The following MAPK8IP3 variants were observed in gnomAD, a reference collection of about 807,000 sequenced individuals.
MAPK8IP3 encodes mitogen-activated protein kinase 8 interacting protein 3, also known as C-Jun-amino-terminal kinase-interacting protein 3.
A neutral mutation model predicts 157.8 loss-of-function variants in MAPK8IP3; 49 were observed. The observed-to-expected ratio is 0.31, with a 90% CI of 0.25 to 0.39. MAPK8IP3 has a LOEUF of 0.39. Among genes scored for constraint, MAPK8IP3 ranks in the 10% least tolerant of loss-of-function variants. The pLI is 1.00. For synonymous variants in MAPK8IP3, 897 were observed against 777.7 expected (o/e 1.15, Z -2.55); for missense variants, 1,478 against 1,889.4 (o/e 0.78, Z 4.04).
chr16:1,723,769 T>C (rs931553340), intron 1 of MAPK8IP3, among the ~76,000 whole-genome samples: 10 of 152,342 alleles, frequency 6.6e-5, no homozygotes, highest in South Asian at 2.1e-4. Flanking sequence ...ACTACACTTA[T>C]GGCATCGATG....
intron 4 of MAPK8IP3, among the ~76,000 whole-genome samples, chr16:1,736,617 T>A (rs1596634973): frequency 1.7e-5 from 1 of 60,104 alleles, no homozygotes; most frequent in Non-Finnish European, 3.2e-5. Flanking sequence ...CGTGTGACCG[T>A]CCGTGTGAGC....
chr16:1,756,920 G>A (rs749528773), intron 8 of MAPK8IP3, among the ~76,000 whole-genome samples: 6 of 152,122 alleles, frequency 3.9e-5, no homozygotes, highest in Non-Finnish European at 7.3e-5. Context: ...GGATAATGGG[G>A]TCCCGTTTTT....
At position 1,762,402 on chromosome 16, in the gene MAPK8IP3, C is replaced by A; in HGVS notation, c.1591C>A (p.Arg531Ser). The A allele has an allele frequency of 6.2e-7, 1 of 1,600,098 alleles. No homozygotes were observed. The highest frequency in any genetic ancestry group is 2.3e-5 in the East Asian group (1 of 44,090). ...RRRFTRVEMA[R>S]VLMERNQYKE... ...CCGCTTCACGCGGGTGGAGATGGCC[C>A]GTGTGCTCATGGAGCGGAACCAGTA... Residue 531 changes from arginine (R) to serine (S), a missense_variant, in exon 14 of 32, where the codon CGT (arginine) becomes AGT (serine). Physicochemically the swap from Arg to Ser is moderately radical, Grantham distance 110 (BLOSUM62 -1). Transcript: ENST00000610761.
chr16:1,749,808 G>A (rs922955114), intron 8 of MAPK8IP3, among the ~76,000 whole-genome samples: 2 of 152,220 alleles, frequency 1.3e-5, no homozygotes, highest in African/African-American at 4.8e-5. Flanking sequence ...GGGGCAGGGG[G>A]ACCTCCAGGG....
In MAPK8IP3 at chr16:1,707,096, G is replaced by T. The variant is rs1596522743; in HGVS notation, c.318+439G>T. Among the ~76,000 whole-genome samples, 6 of 152,134 alleles carry T rather than the reference G, an allele frequency of 3.9e-5. 1 individual carries two copies. In the East Asian group the frequency reaches 1.2e-3, roughly 30 times the overall value. ...ATGACAATTGCCTTTGCTTTCGTGC[G>T]TGTGTTCAGTCAAAACCGTTTCCCG... On this transcript the variant is annotated intron_variant, in intron 1 of 31. Coordinates refer to ENST00000610761, the MANE Select transcript of MAPK8IP3 (RefSeq NM_001318852.2).
intron 4 of MAPK8IP3, among the ~76,000 whole-genome samples, chr16:1,732,868 C>T (rs909480742): frequency 5.3e-5 from 8 of 152,034 alleles, no homozygotes; most frequent in African/African-American, 1.9e-4. Context: ...CGCCAGCCAT[C>T]CGCCCACCTG....
intron 4 of MAPK8IP3, among the ~76,000 whole-genome samples, chr16:1,731,575 C>T (rs1287232513): frequency 1.3e-5 from 2 of 152,192 alleles, no homozygotes; most frequent in African/African-American, 4.8e-5. Context: ...AGCTGTGGCA[C>T]CTGTTAGTGG....
chr16:1,768,250 T>A lies in MAPK8IP3; in HGVS notation c.3614T>A (p.Ile1205Asn). Reference sequence around the variant, plus strand: ...GAGGGCGCCCGTCCCGGGGGCATCATCCACGTGTATGGCGATGACAGCAGT... The same window carrying A: ...GAGGGCGCCCGTCCCGGGGGCATCAACCACGTGTATGGCGATGACAGCAGT... ...SGEGARPGGI[I>N]HVYGDDSSDR... The change falls in exon 30 of 32, where the codon ATC (isoleucine) becomes AAC (asparagine). Residue 1205 changes from isoleucine (I) to asparagine (N), a missense_variant. Ile to Asn is a moderately radical substitution (Grantham distance 149, BLOSUM62 -3). Coordinates refer to ENST00000610761, the MANE Select transcript of MAPK8IP3 (RefSeq NM_001318852.2). The A allele has an allele frequency of 6.2e-7, 1 of 1,612,384 alleles. No homozygotes were observed. The highest frequency in any genetic ancestry group is 8.5e-7 in the Non-Finnish European group (1 of 1,179,978).
chr16:1,735,276 CTG>C lies in MAPK8IP3; in HGVS notation c.602+5701_602+5702del, dbSNP rs141438485. Among the ~76,000 whole-genome samples the C allele has an allele frequency of 2.8e-3, 412 of 146,756 alleles. 2 individuals are homozygous for C. The highest frequency in any genetic ancestry group is 5.1e-3 in the Non-Finnish European group (337 of 66,670). The stretch of plus-strand genomic sequence containing the variant: ...AGCATCCGTGTGAGCATGTGACCGT[CTG>C]TGAGTGTGCGACGGTCCATGTGACT... On this transcript the variant is annotated intron_variant, in intron 4 of 31. Coordinates refer to ENST00000610761, the MANE Select transcript of MAPK8IP3 (RefSeq NM_001318852.2).
At chr16:1,745,265 TTGTC>T in intron 5 of MAPK8IP3, 1 of 775,090 alleles carries the variant, frequency 1.3e-6, no homozygotes. Flanking sequence ...CCAGAAGCGT[TTGTC>T]TGATGTGCAC....
At chr16:1,760,975 G>C (rs551753464) in intron 12 of MAPK8IP3, among the ~76,000 whole-genome samples, 14 of 152,160 alleles carry the variant, frequency 9.2e-5, no homozygotes, top group Non-Finnish European at 1.6e-4. Context: ...CCGCATTCCC[G>C]GGCAGCCAGG....
At chr16:1,758,049 C>A in intron 8 of MAPK8IP3, 99 bp from the exon 9 acceptor site, 1 of 1,249,472 alleles carries the variant, frequency 8.0e-7, no homozygotes, top group Non-Finnish European at 1.2e-6. Flanking sequence ...CGAATCATTG[C>A]TGGGTTTTCT....
At chr16:1,731,477 A>C (rs2039314187) in intron 4 of MAPK8IP3, among the ~76,000 whole-genome samples, 1 of 152,210 alleles carries the variant, frequency 6.6e-6, no homozygotes, top group South Asian at 2.1e-4. Context: ...TCCTACCCAG[A>C]TGCCCGGAGA....
At chr16:1,730,307 T>C (rs2039219964) in intron 4 of MAPK8IP3, among the ~76,000 whole-genome samples, 1 of 151,996 alleles carries the variant, frequency 6.6e-6, no homozygotes, top group Non-Finnish European at 1.5e-5. Context: ...GGTCAAAGAA[T>C]AAACAACAAA....
Position 1,706,274 on chromosome 16 carries a change from G to C in MAPK8IP3, c.-66G>C, listed in dbSNP as rs12935032. The C allele has an allele frequency of 1.4e-6, 2 of 1,412,762 alleles. No individual in the cohort carries two copies. Among genetic ancestry groups the C allele is most frequent in the Non-Finnish European group, 1.9e-6 (2 of 1,077,144 alleles). 87.5% of individuals were successfully genotyped at this position (1,412,762 alleles called of 1,614,324 possible). A position where few individuals can be genotyped will look rare whatever the true frequency, so the allele number is the denominator to read the frequency against. Reference sequence around the variant, plus strand: ...ACGGGCTGCGGCCTGCGGAACCTGAGGCAGCTGGGGAGGGCCGGGCGCGCC... The same window carrying C: ...ACGGGCTGCGGCCTGCGGAACCTGACGCAGCTGGGGAGGGCCGGGCGCGCC... On this transcript the variant is annotated 5_prime_UTR_variant, in exon 1 of 32. Coordinates refer to ENST00000610761, the MANE Select transcript of MAPK8IP3 (RefSeq NM_001318852.2). This position sits in a 1 kb window ranked among gnomAD's most constrained non-coding sequence, Gnocchi z 5.1.
chr16:1,721,326 A>AAAAAAT (rs1883892275), intron 1 of MAPK8IP3, among the ~76,000 whole-genome samples: 1 of 147,992 alleles, frequency 6.8e-6, no homozygotes, highest in African/African-American at 2.5e-5. Flanking sequence ...AAAAAAAAAA[A>AAAAAAT]TCCTTTGCTC....
chr16:1,763,396 C>T (rs1251322280), intron 16 of MAPK8IP3, among the ~76,000 whole-genome samples: 1 of 152,372 alleles, frequency 6.6e-6, no homozygotes, highest in African/African-American at 2.4e-5. Context: ...ACTGTGGCAG[C>T]AGAGCAGCCT....
intron 4 of MAPK8IP3, among the ~76,000 whole-genome samples, chr16:1,736,354 CCG>C (rs2039820924): frequency 2.5e-5 from 1 of 40,348 alleles, no homozygotes; most frequent in African/African-American, 1.1e-4. Flanking sequence ...GTGTGACCGT[CCG>C]TGTGTGACCG....
chr16:1,746,681 A>G, intron 5 of MAPK8IP3: 1 of 271,732 alleles, frequency 3.7e-6, no homozygotes. Flanking sequence ...TTGTTTCTGA[A>G]CAGCCACAAG....
Sources: gnomAD v4.1 joint callset for allele counts (sites outside exome capture counted in the v4.1 genomes callset) on GRCh38, gnomAD v4.1.1 for gene constraint, Gnocchi (gnomAD v3.1) non-coding constraint, MANE v1.5 for transcripts, NCBI Gene and HGNC (gene_info 2026-07-23, HGNC 2026-07-21) for gene names.